DSCAM: variants seen among roughly 807,000 people sequenced by gnomAD.
DSCAM encodes the protein cell adhesion molecule DSCAM.
DSCAM carries 47 observed loss-of-function variants against 217.7 expected under a neutral mutation model. The ratio of observed to expected loss-of-function variants is 0.22; its 90% CI spans 0.17 to 0.28. DSCAM has a LOEUF of 0.28. Ranked by LOEUF, DSCAM falls within the 10% of genes least tolerant of loss-of-function variation. DSCAM has a pLI of 1.00. For missense variants in DSCAM, 2,080 were observed against 2,618.3 expected (o/e 0.79, Z 4.49); for synonymous variants, 1,056 against 1,015.3 (o/e 1.04, Z -0.76).
chr21:40,057,873 CTTT>C (rs71186913), intron 28 of DSCAM, among the ~76,000 whole-genome samples: 1 of 107,224 alleles, frequency 9.3e-6, no homozygotes. Context: ...TCACTGCAGT[CTTT>C]TTTTTTTTTT....
intron 3 of DSCAM, among the ~76,000 whole-genome samples, chr21:40,643,704 G>A (rs1317831092): frequency 2.6e-5 from 4 of 152,172 alleles, no homozygotes; most frequent in African/African-American, 9.7e-5. Context: ...CTGTTAAAGT[G>A]AGCCCTAATC....
intron 1 of DSCAM, among the ~76,000 whole-genome samples, chr21:40,769,675 C>T (rs1215397411): frequency 6.6e-6 from 1 of 152,240 alleles, no homozygotes; most frequent in Non-Finnish European, 1.5e-5. Flanking sequence ...CTCTTCTCAA[C>T]TAAGCCCTGA....
At chr21:40,143,707 C>T (rs1436961872) in intron 17 of DSCAM, among the ~76,000 whole-genome samples, 2 of 152,148 alleles carry the variant, frequency 1.3e-5, no homozygotes, top group Admixed American at 6.5e-5. Context: ...AGGAGAATGG[C>T]GTGAACCCGG....
At position 40,425,540 on chromosome 21, in the gene DSCAM, T is replaced by C. The variant is rs140724410; in HGVS notation, c.509-56295A>G. On this transcript the variant is annotated intron_variant, in intron 3 of 32. Transcript: ENST00000400454. ...AAATAAGAATTTTTTTACCCCCCCC[T>C]AAAAAAAAAAACATACAAAAATTAG... is the stretch of plus-strand genomic sequence containing the variant. 3.6e-4 allele frequency among the ~76,000 whole-genome samples: 46 copies of C among 128,804 alleles called. 1 individual carries two copies. The highest frequency in any genetic ancestry group is 3.2e-3 in the South Asian group (13 of 4,110). 84.5% of individuals were successfully genotyped at this position (128,804 alleles called of 152,430 possible).
intron 3 of DSCAM, among the ~76,000 whole-genome samples, chr21:40,534,224 C>T (rs1049673422): frequency 5.3e-5 from 8 of 152,046 alleles, no homozygotes; most frequent in Admixed American, 4.6e-4. Context: ...AATTTGACCC[C>T]AGGTGGCAAA....
At chr21:40,273,302 T>G (rs2073643887) in intron 11 of DSCAM, among the ~76,000 whole-genome samples, 1 of 152,238 alleles carries the variant, frequency 6.6e-6, no homozygotes, top group South Asian at 2.1e-4. Context: ...CCTAGAGAGA[T>G]AAACTAATAC....
At chr21:40,206,325 A>G (rs13053013) in intron 11 of DSCAM, among the ~76,000 whole-genome samples, 74,122 of 148,576 alleles carry the variant, frequency 0.5, 20,080 homozygotes, top group African/African-American at 0.74. Flanking sequence ...CCAGGGGTCA[A>G]GGAGGCAGCT....
At chr21:40,381,504 A>G (rs1157710235) in intron 3 of DSCAM, among the ~76,000 whole-genome samples, 2 of 152,198 alleles carry the variant, frequency 1.3e-5, no homozygotes, top group Non-Finnish European at 2.9e-5. Context: ...TACAAAAAGG[A>G]AAAAATAAGT....
At chr21:40,514,956 A>C (rs934465623) in intron 3 of DSCAM, among the ~76,000 whole-genome samples, 2 of 152,218 alleles carry the variant, frequency 1.3e-5, no homozygotes, top group African/African-American at 4.8e-5. Context: ...AAACTAATGC[A>C]GCCTATAGCT....
intron 3 of DSCAM, among the ~76,000 whole-genome samples, chr21:40,658,915 G>C (rs2090105122): frequency 6.6e-6 from 1 of 152,164 alleles, no homozygotes; most frequent in East Asian, 1.9e-4. Context: ...TTCCTGAGAT[G>C]AATGGAAAGT....
intron 1 of DSCAM, among the ~76,000 whole-genome samples, chr21:40,836,039 G>A (rs1601328540): frequency 1.3e-5 from 2 of 152,298 alleles, no homozygotes; most frequent in Admixed American, 6.5e-5. Context: ...CTTGTGCCCT[G>A]GACAAAGGAA....
intron 9 of DSCAM, among the ~76,000 whole-genome samples, chr21:40,297,702 C>T (rs147634760): frequency 7.2e-4 from 109 of 152,284 alleles, no homozygotes; most frequent in African/African-American, 2.5e-3. Context: ...TGTCAAGACA[C>T]AAGAAGCAGC....
intron 6 of DSCAM, among the ~76,000 whole-genome samples, chr21:40,344,014 C>T (rs2074530409): frequency 2.0e-5 from 3 of 151,996 alleles, no homozygotes; most frequent in Non-Finnish European, 4.4e-5. Flanking sequence ...AGCTGTTCTC[C>T]TGCCTCTGCC....
rs1464771264 is a variant in DSCAM at position 40,167,250 on chromosome 21, T to G, written c.2986A>C (p.Ile996Leu). 2.5e-6 allele frequency: 4 copies of G among 1,613,734 alleles called. No individual in the cohort carries two copies. The highest frequency in any genetic ancestry group is 4.5e-5 in the East Asian group (2 of 44,830). ...GPPQEVHLEP[I>L]SSQSIRVTWK... ...GTGACCCTGATGCTCTGAGATGATATAGGCTCCAGGTGAACTTCCTGAGGT... is the reference window on the plus strand; with the variant it reads ...GTGACCCTGATGCTCTGAGATGATAGAGGCTCCAGGTGAACTTCCTGAGGT... The change falls in exon 16 of 33, where the codon ATA becomes CTA. Residue 996 changes from isoleucine (I) to leucine (L), a missense_variant. Physicochemically the swap from Ile to Leu is conservative, Grantham distance 5. This residue lies in a region of DSCAM where 1,144 missense variants were observed against 1,421.1 expected (regional missense o/e 0.81). Coordinates refer to ENST00000400454, the MANE Select transcript of DSCAM (RefSeq NM_001389.5).
chr21:40,807,938 T>A (rs1283397864), intron 1 of DSCAM, among the ~76,000 whole-genome samples: 3 of 152,206 alleles, frequency 2.0e-5, no homozygotes, highest in Non-Finnish European at 2.9e-5. Context: ...TTTTGTTGTC[T>A]ATAGTAGAAA....
At chr21:40,345,903 G>A (rs1032571331) in intron 6 of DSCAM, among the ~76,000 whole-genome samples, 2 of 151,810 alleles carry the variant, frequency 1.3e-5, no homozygotes, top group East Asian at 1.9e-4. Context: ...CTGGCGGTGC[G>A]CCTCGGCCCC....
chr21:40,617,114 C>A (rs1442738091), intron 3 of DSCAM, among the ~76,000 whole-genome samples: 1 of 146,976 alleles, frequency 6.8e-6, no homozygotes, highest in African/African-American at 2.5e-5. Flanking sequence ...AGGCACAGAA[C>A]CAGTCTTTTT....
intron 3 of DSCAM, among the ~76,000 whole-genome samples, chr21:40,655,609 AT>A (rs1225726570): frequency 6.6e-6 from 1 of 151,520 alleles, no homozygotes; most frequent in East Asian, 1.9e-4. Context: ...TGTCTGGCTA[AT>A]TTTTTTCTTT....
intron 11 of DSCAM, among the ~76,000 whole-genome samples, chr21:40,192,558 C>T (rs1312373963): frequency 6.6e-6 from 1 of 152,166 alleles, no homozygotes; most frequent in South Asian, 2.1e-4. Flanking sequence ...CTCAGTTAAG[C>T]CTCCTTCCTT....
Sources: allele counts gnomAD v4.1 joint callset (sites outside exome capture counted in the v4.1 genomes callset), GRCh38; gene constraint gnomAD v4.1.1; regional missense constraint gnomAD v4.1.1; transcripts MANE v1.5; gene names NCBI Gene and HGNC (gene_info 2026-07-23, HGNC 2026-07-21).